The following VSTM4 variants were observed in gnomAD, a reference collection of about 807,000 sequenced individuals.
VSTM4 encodes the protein V-set and transmembrane domain-containing protein 4.
Under a neutral mutation model 36.4 loss-of-function variants are expected in VSTM4, and 20 were observed. The ratio of observed to expected loss-of-function variants is 0.55; its 90% CI spans 0.39 to 0.80. The LOEUF (loss-of-function observed/expected upper bound fraction) is 0.80, where lower values mean the gene tolerates loss of function less well. Among genes scored for constraint, VSTM4 ranks in the 30% least tolerant of loss-of-function variants. The pLI, the probability that VSTM4 is intolerant of heterozygous loss-of-function variation, is 0.00. For synonymous variants in VSTM4, 182 were observed against 173.9 expected (o/e 1.05, Z -0.37); for missense variants, 392 against 404.5 (o/e 0.97, Z 0.26).
intron 1 of VSTM4, among the ~76,000 whole-genome samples, chr10:49,111,444 T>C (rs191450171): frequency 1.3e-5 from 2 of 152,240 alleles, no homozygotes; most frequent in East Asian, 3.9e-4. Flanking sequence ...TGACAGTCCA[T>C]GCATGCCCAG....
At chr10:49,104,830 CAGAGAG>C (rs144023297) in intron 2 of VSTM4, among the ~76,000 whole-genome samples, 1 of 146,750 alleles carries the variant, frequency 6.8e-6, no homozygotes, top group Admixed American at 6.8e-5. Context: ...GAGAGAGACA[CAGAGAG>C]AGAGAGAGGG....
intron 3 of VSTM4, among the ~76,000 whole-genome samples, chr10:49,081,257 C>T (rs1233104611): frequency 2.6e-5 from 4 of 152,160 alleles, no homozygotes; most frequent in African/African-American, 4.8e-5. Context: ...GCTGCCAGGC[C>T]GACAGAACCT....
intron 7 of VSTM4, among the ~76,000 whole-genome samples, chr10:49,033,539 C>T (rs1843378906): frequency 1.3e-5 from 2 of 152,110 alleles, no homozygotes; most frequent in Admixed American, 6.6e-5. Flanking sequence ...TTCTGATTGC[C>T]GGCCTACTTC....
chr10:49,066,440 A>C (rs1291088881), intron 4 of VSTM4, among the ~76,000 whole-genome samples: 4 of 152,228 alleles, frequency 2.6e-5, no homozygotes, highest in African/African-American at 9.6e-5. Flanking sequence ...GAGTATTAAA[A>C]ATCATTTTGG....
At chr10:49,043,173 C>A (rs1364686580) in intron 7 of VSTM4, among the ~76,000 whole-genome samples, 1 of 152,192 alleles carries the variant, frequency 6.6e-6, no homozygotes, top group Non-Finnish European at 1.5e-5. Flanking sequence ...AGCACTGGAA[C>A]TGTGGCTGTG....
chr10:49,088,087 A>T (rs1197868788), intron 2 of VSTM4, among the ~76,000 whole-genome samples: 2 of 151,602 alleles, frequency 1.3e-5, no homozygotes, highest in Admixed American at 1.3e-4. Context: ...CAGAAAGCAG[A>T]AGTGCTGATA....
chr10:49,047,738 G>A (rs1362916355), intron 6 of VSTM4, among the ~76,000 whole-genome samples: 2 of 152,108 alleles, frequency 1.3e-5, no homozygotes, highest in Admixed American at 6.5e-5. Flanking sequence ...CTCCATGTGT[G>A]CTCAGCCTCA....
intron 2 of VSTM4, among the ~76,000 whole-genome samples, chr10:49,090,865 G>T (rs1844461303): frequency 6.6e-6 from 1 of 152,132 alleles, no homozygotes; most frequent in South Asian, 2.1e-4. Context: ...CTCTCACGGA[G>T]CCCCACCTGT....
At position 49,107,675 on chromosome 10, in the gene VSTM4, C is replaced by G. The variant is rs145294709; in HGVS notation, c.376G>C (p.Val126Leu). Residue 126 changes from valine to leucine, a missense_variant, in exon 2 of 8, where the codon GTC (valine) becomes CTC (leucine). Transcript: ENST00000332853. ...TLQPSDQGHYVCRVQEISRHR... is the reference protein window; with the variant it reads ...TLQPSDQGHYLCRVQEISRHR... The stretch of plus-strand genomic sequence containing the variant: ...CTGCTGATTTCCTGGACTCTGCAGA[C>G]GTAATGCCCTTGATCGGAGGGCTGC... 1.9e-6 allele frequency: 3 copies of G among 1,614,088 alleles called. No homozygotes were observed. The African/African-American group carries it at 4.0e-5, about 22-fold the overall frequency.
intron 4 of VSTM4, among the ~76,000 whole-genome samples, chr10:49,070,140 CTACT>C (rs1844048433): frequency 9.2e-6 from 1 of 108,986 alleles, no homozygotes; most frequent in Non-Finnish European, 1.8e-5. Context: ...GTAGTCCCAG[CTACT>C]TGGGAGGCTG....
chr10:49,038,900 G>T (rs950945290), intron 7 of VSTM4, among the ~76,000 whole-genome samples: 6 of 152,122 alleles, frequency 3.9e-5, no homozygotes, highest in Non-Finnish European at 5.9e-5. Flanking sequence ...AGTGGAGGAG[G>T]GGGAGGCAGC....
At chr10:49,069,500 C>T (rs1844034972) in intron 4 of VSTM4, among the ~76,000 whole-genome samples, 1 of 152,222 alleles carries the variant, frequency 6.6e-6, no homozygotes, top group Non-Finnish European at 1.5e-5. Context: ...GGGAGCCCTG[C>T]AGCCTGAGAA....
At position 49,027,757 on chromosome 10, in the gene VSTM4, G is replaced by A. The variant is rs545291797; in HGVS notation, c.838-7982C>T. ...CATAATTCCCTGAAGATTTATCCCA[G>A]TTGTTGCAAGCAACGATTGTCTGCT... On this transcript the variant is annotated intron_variant, in intron 7 of 7. Coordinates refer to ENST00000332853, the MANE Select transcript of VSTM4 (RefSeq NM_001031746.5). 2.6e-5 allele frequency among the ~76,000 whole-genome samples: 4 copies of A among 152,344 alleles called. No individual in the cohort carries two copies. In the East Asian group the frequency reaches 5.8e-4, roughly 22 times the overall value.
At chr10:49,060,729 T>C (rs1843863126) in intron 5 of VSTM4, among the ~76,000 whole-genome samples, 1 of 152,222 alleles carries the variant, frequency 6.6e-6, no homozygotes, top group African/African-American at 2.4e-5. Flanking sequence ...CTGTGTTTAG[T>C]ATCACTTTGC....
At chr10:49,085,328 G>C (rs1413854044) in intron 3 of VSTM4, among the ~76,000 whole-genome samples, 1 of 152,246 alleles carries the variant, frequency 6.6e-6, no homozygotes, top group Non-Finnish European at 1.5e-5. Context: ...AGAATCTCTA[G>C]AGATGTGGTC....
At chr10:49,114,802 A>C (rs544048513) in intron 1 of VSTM4, among the ~76,000 whole-genome samples, 1 of 152,302 alleles carries the variant, frequency 6.6e-6, no homozygotes, top group South Asian at 2.1e-4. Context: ...AGACACTTAC[A>C]AGTGGGAGCA....
chr10:49,048,923 T>G (rs1843656475), intron 5 of VSTM4, among the ~76,000 whole-genome samples: 1 of 152,190 alleles, frequency 6.6e-6, no homozygotes, highest in Admixed American at 6.5e-5. Flanking sequence ...TGACACCTGG[T>G]TTAACTGATT....
chr10:49,038,492 A>C (rs866401136), intron 7 of VSTM4, among the ~76,000 whole-genome samples: 2 of 152,168 alleles, frequency 1.3e-5, no homozygotes, highest in Non-Finnish European at 1.5e-5. Context: ...ACAGAGTTTC[A>C]GTTTTGCAAG....
chr10:49,028,084 T>A (rs1843290580), intron 7 of VSTM4, among the ~76,000 whole-genome samples: 1 of 152,234 alleles, frequency 6.6e-6, no homozygotes, highest in South Asian at 2.1e-4. Flanking sequence ...TCAGCGCTTT[T>A]TTTTCTTTTA....
Sources: gnomAD v4.1 joint callset for allele counts (sites outside exome capture counted in the v4.1 genomes callset) on GRCh38, gnomAD v4.1.1 for gene constraint, MANE v1.5 for transcripts, NCBI Gene and HGNC (gene_info 2026-07-23, HGNC 2026-07-21) for gene names.